UBE2E2: variants seen among roughly 807,000 people sequenced by gnomAD.
UBE2E2 encodes ubiquitin-conjugating enzyme E2 E2.
UBE2E2 carries 6 observed loss-of-function variants against 24.7 expected under a neutral mutation model. The observed-to-expected ratio is 0.24, with a 90% confidence interval of 0.13 to 0.48. The LOEUF is 0.48. UBE2E2 is among the 20% of genes least tolerant of loss of function. UBE2E2 has a pLI of 0.99. For missense variants in UBE2E2, 169 were observed against 245.0 expected, an observed-to-expected ratio of 0.69 and a Z score of 2.07; for synonymous variants, 104 against 83.6, an observed-to-expected ratio of 1.24 and a Z score of -1.33.
chr3:23,354,035 A>G (rs989948229), intron 3 of UBE2E2, among the ~76,000 whole-genome samples: 6 of 152,228 alleles, frequency 3.9e-5, no homozygotes, highest in African/African-American at 1.4e-4. Context: ...GTACCAAAAC[A>G]GAGATATAGA....
chr3:23,273,609 A>G (rs1268054907), intron 3 of UBE2E2, among the ~76,000 whole-genome samples: 1 of 152,176 alleles, frequency 6.6e-6, no homozygotes, highest in East Asian at 1.9e-4. Flanking sequence ...AGAAAAAAAA[A>G]TTGGTTTCAT....
intron 5 of UBE2E2, among the ~76,000 whole-genome samples, chr3:23,534,930 C>T (rs567530882): frequency 6.6e-6 from 1 of 152,172 alleles, no homozygotes; most frequent in Non-Finnish European, 1.5e-5. Flanking sequence ...TTAAAAAATA[C>T]TTTCTCACTC....
At chr3:23,352,823 G>A (rs142889807) in intron 3 of UBE2E2, among the ~76,000 whole-genome samples, 2 of 152,084 alleles carry the variant, frequency 1.3e-5, no homozygotes, top group African/African-American at 2.4e-5. Context: ...GAACTGGTAC[G>A]ATTCTTTCTG....
chr3:23,241,508 C>T (rs1298101155), intron 3 of UBE2E2, among the ~76,000 whole-genome samples: 1 of 152,114 alleles, frequency 6.6e-6, no homozygotes, highest in Non-Finnish European at 1.5e-5. Flanking sequence ...TCTGCTGCCG[C>T]TACGCTGGCC....
chr3:23,265,730 A>T (rs889933737), intron 3 of UBE2E2, among the ~76,000 whole-genome samples: 1 of 152,118 alleles, frequency 6.6e-6, no homozygotes, highest in Non-Finnish European at 1.5e-5. Flanking sequence ...AGGTCTGTCT[A>T]ATGTTGACAG....
At chr3:23,549,810 A>G (rs1353430583) in intron 5 of UBE2E2, among the ~76,000 whole-genome samples, 2 of 152,110 alleles carry the variant, frequency 1.3e-5, no homozygotes, top group Admixed American at 6.6e-5. Context: ...AGGTGGGTGG[A>G]TCACCTGAGG....
At chr3:23,243,413 C>G (rs1053639270) in intron 3 of UBE2E2, among the ~76,000 whole-genome samples, 13 of 152,170 alleles carry the variant, frequency 8.5e-5, no homozygotes, top group African/African-American at 3.1e-4. Context: ...CCTCAGTGTT[C>G]CCCTCAGACC....
At chr3:23,441,356 C>T (rs1412567749) in intron 3 of UBE2E2, among the ~76,000 whole-genome samples, 3 of 128,126 alleles carry the variant, frequency 2.3e-5, no homozygotes, top group African/African-American at 9.2e-5. Flanking sequence ...AACCACGTCT[C>T]TACTAAAAAT....
At chr3:23,340,185 T>G (rs1296838562) in intron 3 of UBE2E2, among the ~76,000 whole-genome samples, 1 of 152,128 alleles carries the variant, frequency 6.6e-6, no homozygotes, top group Admixed American at 6.5e-5. Flanking sequence ...GATGTATATA[T>G]TCTACTGAAT....
At chr3:23,379,754 A>G (rs1046255458) in intron 3 of UBE2E2, among the ~76,000 whole-genome samples, 5 of 152,028 alleles carry the variant, frequency 3.3e-5, no homozygotes, top group East Asian at 3.9e-4. Flanking sequence ...TTAGAAAGAC[A>G]CCTCTCTGAG....
At chr3:23,568,195 C>T (rs1428408574) in intron 5 of UBE2E2, among the ~76,000 whole-genome samples, 1 of 152,148 alleles carries the variant, frequency 6.6e-6, no homozygotes, top group Non-Finnish European at 1.5e-5. Flanking sequence ...GTGGTGGAGA[C>T]CACGGATACG....
chr3:23,482,518 A>G (rs1367371520), intron 3 of UBE2E2, among the ~76,000 whole-genome samples: 1 of 151,960 alleles, frequency 6.6e-6, no homozygotes, highest in Non-Finnish European at 1.5e-5. Context: ...AGATAAACCT[A>G]TGTCATGCTG....
chr3:23,575,411 C>T (rs991316690), intron 5 of UBE2E2, among the ~76,000 whole-genome samples: 6 of 152,018 alleles, frequency 3.9e-5, no homozygotes, highest in African/African-American at 1.2e-4. Flanking sequence ...AAATTTTGAC[C>T]GAGTACTGAG....
At chr3:23,367,967 T>C (rs1209715361) in intron 3 of UBE2E2, among the ~76,000 whole-genome samples, 2 of 152,150 alleles carry the variant, frequency 1.3e-5, no homozygotes, top group Admixed American at 6.6e-5. Flanking sequence ...TTTGTTGTGG[T>C]GTGAGAGCAG....
At chr3:23,370,971 G>T (rs948845657) in intron 3 of UBE2E2, among the ~76,000 whole-genome samples, 2 of 152,192 alleles carry the variant, frequency 1.3e-5, no homozygotes, top group African/African-American at 4.8e-5. Context: ...GTTAGAGTCT[G>T]AGTAACTAAC....
chr3:23,488,607 C>T (rs1699430810), intron 3 of UBE2E2, among the ~76,000 whole-genome samples: 2 of 152,146 alleles, frequency 1.3e-5, no homozygotes, highest in African/African-American at 2.4e-5. Context: ...GGAAGCTTTA[C>T]ATTTCACCGT....
At chr3:23,327,135 C>T (rs1694922356) in intron 3 of UBE2E2, among the ~76,000 whole-genome samples, 1 of 152,178 alleles carries the variant, frequency 6.6e-6, no homozygotes, top group African/African-American at 2.4e-5. Flanking sequence ...AATAAACATA[C>T]ATGTGCATAT....
chr3:23,452,996 G>T (rs1318239499), intron 3 of UBE2E2, among the ~76,000 whole-genome samples: 1 of 152,072 alleles, frequency 6.6e-6, no homozygotes, highest in Non-Finnish European at 1.5e-5. Flanking sequence ...CACTAATACT[G>T]CTTAGACTCT....
intron 4 of UBE2E2, among the ~76,000 whole-genome samples, chr3:23,527,125 C>T (rs1443790313): frequency 6.6e-6 from 1 of 152,146 alleles, no homozygotes; most frequent in East Asian, 1.9e-4. Context: ...GGTATCATTA[C>T]ACCTTATCAA....
Sources: allele counts gnomAD v4.1 joint callset (sites outside exome capture counted in the v4.1 genomes callset), GRCh38; gene constraint gnomAD v4.1.1; transcripts MANE v1.5; gene names NCBI Gene and HGNC (gene_info 2026-07-23, HGNC 2026-07-21).